CNTNAP5: variants seen among roughly 807,000 people sequenced by gnomAD.
CNTNAP5 encodes the protein contactin-associated protein-like 5.
Under a neutral mutation model 150.2 loss-of-function variants are expected in CNTNAP5, and 72 were observed. The ratio of observed to expected loss-of-function variants is 0.48; its 90% CI spans 0.40 to 0.58. The LOEUF (loss-of-function observed/expected upper bound fraction) is 0.58, where lower values mean the gene tolerates loss of function less well. Among genes scored for constraint, CNTNAP5 ranks in the 20% least tolerant of loss-of-function variants. The probability of loss-of-function intolerance (pLI) is 0.00; values close to 1 mark genes in which losing one functional copy is unlikely to be tolerated. For missense variants in CNTNAP5, 1,636 were observed against 1,626.2 expected, an observed-to-expected ratio of 1.01 and a Z score of -0.10; for synonymous variants, 672 against 619.8, an observed-to-expected ratio of 1.08 and a Z score of -1.25.
intron 17 of CNTNAP5, among the ~76,000 whole-genome samples, chr2:124,780,347 C>A (rs1681424201): frequency 2.0e-5 from 3 of 152,142 alleles, no homozygotes; most frequent in African/African-American, 7.2e-5. Context: ...ATTTAAAGGA[C>A]ACACTCAATT....
chr2:124,318,633 G>T (rs1166888864), intron 3 of CNTNAP5, among the ~76,000 whole-genome samples: 2 of 152,152 alleles, frequency 1.3e-5, no homozygotes, highest in African/African-American at 2.4e-5. Flanking sequence ...TTTAGTTTCA[G>T]ATCATGTCTG....
At chr2:124,387,192 G>A (rs1690951301) in intron 3 of CNTNAP5, among the ~76,000 whole-genome samples, 2 of 152,196 alleles carry the variant, frequency 1.3e-5, no homozygotes, top group Non-Finnish European at 1.5e-5. Flanking sequence ...CCCTAGTTGT[G>A]GCCTGATAAA....
chr2:124,070,314 G>A (rs1013084397), intron 1 of CNTNAP5, among the ~76,000 whole-genome samples: 1 of 146,326 alleles, frequency 6.8e-6, no homozygotes, highest in Non-Finnish European at 1.5e-5. Flanking sequence ...AATGGTAGGA[G>A]TAAGTCCTCA....
intron 3 of CNTNAP5, among the ~76,000 whole-genome samples, chr2:124,292,572 A>G (rs1003292987): frequency 1.3e-5 from 2 of 152,166 alleles, no homozygotes; most frequent in African/African-American, 4.8e-5. Flanking sequence ...GAGAAAGTCT[A>G]TGATTTCACA....
intron 1 of CNTNAP5, among the ~76,000 whole-genome samples, chr2:124,145,816 A>AAAAAAAAAAAAAAAAAAAAACAT (rs1558773898): frequency 1.1e-4 from 1 of 9,328 alleles, no homozygotes; most frequent in Non-Finnish European, 2.5e-4. Context: ...AAACATTAAA[A>AAAAAAAAAAAAAAAAAAAAACAT]AAAAAAAAAA....
At chr2:124,713,345 TTC>T (rs1558747039) in intron 13 of CNTNAP5, among the ~76,000 whole-genome samples, 1 of 128,402 alleles carries the variant, frequency 7.8e-6, no homozygotes, top group East Asian at 2.3e-4. Context: ...CTTTCTTTCT[TTC>T]TTTCTTTCTT....
intron 12 of CNTNAP5, among the ~76,000 whole-genome samples, chr2:124,627,515 A>G (rs1001450852): frequency 7.6e-4 from 94 of 122,942 alleles, no homozygotes; most frequent in Admixed American, 1.1e-3. Flanking sequence ...GAAAGCAACA[A>G]CAACATCAAA....
chr2:124,627,255 C>G (rs986325236), intron 12 of CNTNAP5, among the ~76,000 whole-genome samples: 2 of 152,170 alleles, frequency 1.3e-5, no homozygotes, highest in African/African-American at 4.8e-5. Context: ...CAAGCGGATC[C>G]CTGACCCTGT....
At chr2:124,851,999 G>A (rs544270966) in intron 19 of CNTNAP5, among the ~76,000 whole-genome samples, 1 of 152,258 alleles carries the variant, frequency 6.6e-6, no homozygotes, top group South Asian at 2.1e-4. Flanking sequence ...AATATGAGCT[G>A]GGAAAGGAGA....
chr2:124,636,656 GTGTGTGTC>G (rs1338188529), intron 12 of CNTNAP5, among the ~76,000 whole-genome samples: 1 of 152,064 alleles, frequency 6.6e-6, no homozygotes, highest in African/African-American at 2.4e-5. Flanking sequence ...GTGTGTGTCT[GTGTGTGTC>G]TGTGTGTGTA....
intron 3 of CNTNAP5, among the ~76,000 whole-genome samples, chr2:124,394,134 G>T (rs1691187793): frequency 6.6e-6 from 1 of 152,042 alleles, no homozygotes; most frequent in Non-Finnish European, 1.5e-5. Flanking sequence ...CACTTTGGGA[G>T]GCCAAGGCAG....
At chr2:124,518,994 CAAAAAAAAAA>C (rs35578704) in intron 8 of CNTNAP5, among the ~76,000 whole-genome samples, 1 of 48,114 alleles carries the variant, frequency 2.1e-5, no homozygotes, top group African/African-American at 8.4e-5. Flanking sequence ...GCCTGGGCCG[CAAAAAAAAAA>C]AAAAAAAAAA....
At position 124,328,068 on chromosome 2, in the gene CNTNAP5, TA is replaced by T. The variant is rs1264388160; in HGVS notation, c.381+85683del. On this transcript the variant is annotated intron_variant, in intron 3 of 23. Transcript: ENST00000682447. The stretch of plus-strand genomic sequence containing the variant: ...CTGAAAAGAATGTTTTAAGAAAAAA[TA>T]AAAAAAAGCAGAGCTACAGAAAGAA... Among the ~76,000 whole-genome samples, 4 of 150,764 alleles carry T rather than the reference TA, an allele frequency of 2.7e-5. No individual in the cohort carries two copies. The East Asian group carries it at 5.8e-4, about 22-fold the overall frequency.
rs1028671451 is a variant in CNTNAP5, at chr2:124,707,216, T to G, written c.2078-40013T>G. On this transcript the variant is annotated intron_variant, in intron 13 of 23. Coordinates refer to ENST00000682447, the MANE Select transcript of CNTNAP5 (RefSeq NM_001367498.1). Reference sequence around the variant, plus strand: ...AGAAGAAGAAGAAGAATAAACAACTTGGGATCATTCACTGACACTGAGGAG... The same window carrying G: ...AGAAGAAGAAGAAGAATAAACAACTGGGGATCATTCACTGACACTGAGGAG... Among the ~76,000 whole-genome samples, 3 of 141,562 alleles carry G rather than the reference T, an allele frequency of 2.1e-5. 1 individual carries two copies. The highest frequency in any genetic ancestry group is 8.1e-5 in the African/African-American group (3 of 37,030). 92.9% of individuals were successfully genotyped at this position (141,562 alleles called of 152,430 possible).
rs1275938145 is a variant in CNTNAP5 at position 124,215,683 on chromosome 2, G to A, written c.83-6022G>A. Among the ~76,000 whole-genome samples, 4 of 135,350 alleles carry A rather than the reference G, an allele frequency of 3.0e-5. No homozygotes were observed. In the East Asian group the frequency reaches 8.6e-4, roughly 29 times the overall value. 88.8% of individuals were successfully genotyped at this position (135,350 alleles called of 152,430 possible). ...CTGGGTGGGTAGGGTTTATCTAGGG[G>A]AGAGTATTGAAGATGAATAGAAGAA... On this transcript the variant is annotated intron_variant, in intron 1 of 23. Transcript: ENST00000682447.
chr2:124,528,656 A>C (rs1321283893), intron 10 of CNTNAP5, among the ~76,000 whole-genome samples: 1 of 152,166 alleles, frequency 6.6e-6, no homozygotes, highest in African/African-American at 2.4e-5. Context: ...GCCACTGTGG[A>C]TTGTGAACCT....
At chr2:124,167,434 A>G (rs1684833319) in intron 1 of CNTNAP5, among the ~76,000 whole-genome samples, 1 of 152,208 alleles carries the variant, frequency 6.6e-6, no homozygotes, top group Admixed American at 6.5e-5. Context: ...AAAACAAAAC[A>G]ATTTTGTAAA....
At chr2:124,578,069 G>A (rs1696330218) in intron 11 of CNTNAP5, among the ~76,000 whole-genome samples, 1 of 150,822 alleles carries the variant, frequency 6.6e-6, no homozygotes, top group African/African-American at 2.4e-5. Context: ...CAGCACTTTG[G>A]GAGGCCGAGG....
chr2:124,473,545 T>C (rs1192494316), intron 6 of CNTNAP5, among the ~76,000 whole-genome samples: 1 of 152,044 alleles, frequency 6.6e-6, no homozygotes, highest in Admixed American at 6.6e-5. Flanking sequence ...AAAAATAGCC[T>C]TAAGTGTATC....
Sources: allele counts gnomAD v4.1 joint callset (sites outside exome capture counted in the v4.1 genomes callset), GRCh38; gene constraint gnomAD v4.1.1; transcripts MANE v1.5; gene names NCBI Gene and HGNC (gene_info 2026-07-23, HGNC 2026-07-21).